NALCN: variants seen among roughly 807,000 people sequenced by gnomAD.
NALCN encodes sodium leak channel, non-selective, also known as sodium leak channel NALCN.
A neutral mutation model predicts 225.3 loss-of-function variants in NALCN; 111 were observed. The ratio of observed to expected loss-of-function variants is 0.49; its 90% CI spans 0.42 to 0.58. The LOEUF (loss-of-function observed/expected upper bound fraction) is 0.58, where lower values mean the gene tolerates loss of function less well. Ranked by LOEUF, NALCN falls within the 20% of genes least tolerant of loss-of-function variation. NALCN has a pLI of 0.00. For missense variants in NALCN, 1,378 were observed against 2,202.4 expected, an observed-to-expected ratio of 0.63 and a Z score of 7.49; for synonymous variants, 764 against 769.0, an observed-to-expected ratio of 0.99 and a Z score of 0.11.
rs543584697 is a variant in NALCN at position 101,258,845 on chromosome 13, A to G, written c.1135-271T>C. On this transcript the variant is annotated intron_variant, in intron 10 of 43. Transcript: ENST00000251127. ...TCATTTGTGTATGGCTTGCATCTTA[A>G]TTTTTAATTGGTTGGTTGGGTAGTA... Among the ~76,000 whole-genome samples, 9 of 152,300 alleles carry G rather than the reference A, an allele frequency of 5.9e-5. No individual in the cohort carries two copies. The East Asian group carries it at 1.7e-3, about 29-fold the overall frequency.
At chr13:101,200,433 C>G (rs1018482629) in intron 13 of NALCN, among the ~76,000 whole-genome samples, 1 of 152,134 alleles carries the variant, frequency 6.6e-6, no homozygotes, top group Non-Finnish European at 1.5e-5. Context: ...AAACAGATAA[C>G]ATTTTTCCCC....
At position 101,415,226 on chromosome 13, in the gene NALCN, CAT is replaced by C. The variant is rs1359793599; in HGVS notation, c.-40+1085_-40+1086del. Among the ~76,000 whole-genome samples, 41 of 29,568 alleles carry C rather than the reference CAT, an allele frequency of 1.4e-3. 2 individuals are homozygous for C. The highest frequency in any genetic ancestry group is 0.018 in the Middle Eastern group (1 of 56). 19.4% of individuals were successfully genotyped at this position (29,568 alleles called of 152,430 possible). The stretch of plus-strand genomic sequence containing the variant: ...TCACACACATATATATATATATATA[CAT>C]ACATATATATTTCAAAATCGCCACC... On this transcript the variant is annotated intron_variant, in intron 1 of 43. Transcript: ENST00000251127.
chr13:101,085,636 C>T (rs902688986), intron 30 of NALCN, among the ~76,000 whole-genome samples: 1 of 152,096 alleles, frequency 6.6e-6, no homozygotes, highest in Admixed American at 6.5e-5. Context: ...CATTATAATA[C>T]ATGAATTGAA....
intron 10 of NALCN, among the ~76,000 whole-genome samples, chr13:101,271,882 CAT>C (rs1282639203): frequency 2.5e-5 from 3 of 120,542 alleles, no homozygotes; most frequent in Non-Finnish European, 4.9e-5. Flanking sequence ...TAGCCATATG[CAT>C]GTGTGCATAT....
At chr13:101,055,890 G>A (rs1293766321) in intron 43 of NALCN, among the ~76,000 whole-genome samples, 1 of 152,128 alleles carries the variant, frequency 6.6e-6, no homozygotes, top group African/African-American at 2.4e-5. Flanking sequence ...GATGCAGTGA[G>A]GGTATGGGAG....
intron 16 of NALCN, among the ~76,000 whole-genome samples, chr13:101,143,458 GT>G (rs2037194883): frequency 6.7e-6 from 1 of 149,294 alleles, no homozygotes; most frequent in South Asian, 2.2e-4. Context: ...ACCGATGGTA[GT>G]TTTTTGAATC....
At chr13:101,105,766 C>T (rs11617361) in intron 22 of NALCN, among the ~76,000 whole-genome samples, 28,837 of 152,078 alleles carry the variant, frequency 0.19, 2,971 homozygotes, top group Non-Finnish European at 0.25. Flanking sequence ...CTTTATAGAA[C>T]AGCAGAAAGA....
At chr13:101,350,613 G>A (rs753582797) in intron 6 of NALCN, among the ~76,000 whole-genome samples, 5 of 152,062 alleles carry the variant, frequency 3.3e-5, no homozygotes, top group Admixed American at 6.6e-5. Flanking sequence ...CTGACACAGC[G>A]TCTATGATAG....
intron 15 of NALCN, among the ~76,000 whole-genome samples, chr13:101,176,011 C>T (rs1419546973): frequency 6.6e-6 from 1 of 152,174 alleles, no homozygotes; most frequent in East Asian, 1.9e-4. Context: ...AAACAACCTT[C>T]ATTTAATGGC....
At chr13:101,358,712 T>C (rs370521496) in intron 6 of NALCN, among the ~76,000 whole-genome samples, 23 of 152,304 alleles carry the variant, frequency 1.5e-4, no homozygotes, top group Admixed American at 3.9e-4. Context: ...CCCAAAAGAA[T>C]AGACATCATT....
At chr13:101,073,714 A>T in intron 36 of NALCN, 37 bp from the exon 37 acceptor site, 2 of 1,544,436 alleles carry the variant, frequency 1.3e-6, no homozygotes, top group South Asian at 1.1e-5. Context: ...AATGTGAATT[A>T]TAGAAGGGTT....
chr13:101,119,818 T>C (rs926699679), intron 18 of NALCN, among the ~76,000 whole-genome samples: 2 of 152,248 alleles, frequency 1.3e-5, no homozygotes, highest in Non-Finnish European at 2.9e-5. Flanking sequence ...TGGAACATCC[T>C]CTTCGGATAA....
intron 18 of NALCN, among the ~76,000 whole-genome samples, chr13:101,111,767 G>A (rs1045150846): frequency 1.3e-5 from 2 of 152,216 alleles, no homozygotes; most frequent in South Asian, 4.1e-4. Context: ...CATATAAGAC[G>A]TGCCTTTCAC....
intron 17 of NALCN, among the ~76,000 whole-genome samples, chr13:101,130,508 T>A (rs1433120627): frequency 1.3e-5 from 2 of 152,198 alleles, no homozygotes; most frequent in Non-Finnish European, 1.5e-5. Flanking sequence ...TGTTTTTTAG[T>A]AGATTACAGG....
At chr13:101,082,967 G>C (rs1361033660) in intron 32 of NALCN, 84 bp from the exon 33 acceptor site, 2 of 1,573,276 alleles carry the variant, frequency 1.3e-6, no homozygotes, top group African/African-American at 2.7e-5. Context: ...CTTTGCCATT[G>C]ACAGTGAATC....
intron 7 of NALCN, among the ~76,000 whole-genome samples, chr13:101,303,014 C>A (rs988656475): frequency 2.0e-5 from 3 of 152,078 alleles, no homozygotes; most frequent in Admixed American, 1.3e-4. Context: ...ACTTTTCCAG[C>A]ATTTCCAATG....
In NALCN at chr13:101,057,986, T is replaced by A. The variant is rs1253803489; in HGVS notation, c.4976A>T (p.Asp1659Val). 1.1e-5 allele frequency: 17 copies of A among 1,613,858 alleles called. No individual in the cohort carries two copies. Among genetic ancestry groups the A allele is most frequent in the Non-Finnish European group, 1.4e-5 (17 of 1,180,040 alleles). Residue 1659 changes from aspartate (D) to valine (V), a missense_variant, in exon 43 of 44, where the codon GAC (aspartate) becomes GTC (valine). This residue lies in a region of NALCN where 145 missense variants were observed against 169.6 expected (regional missense o/e 0.85). Transcript: ENST00000251127. ...DRGGSRQDAA[D>V]AGKPQRKFGQ... ...AAATTTCCTCTGGGGTTTCCCTGCG[T>A]CGGCTGCATCTTGCCGACTTCCTCC...
rs1395415061 is a variant in NALCN, at chr13:101,279,161, TAAAAG to T, written c.1134+4767_1134+4771del. ...TATTTTATTAAAATTATGACAGACA[TAAAAG>T]AAAAGTGTAGGATGATATGAAAACA... On this transcript the variant is annotated intron_variant, in intron 10 of 43. Coordinates refer to ENST00000251127, the MANE Select transcript of NALCN (RefSeq NM_052867.4). 3.9e-5 allele frequency among the ~76,000 whole-genome samples: 6 copies of T among 152,254 alleles called. No homozygotes were observed. The East Asian group carries it at 7.7e-4, about 20-fold the overall frequency.
chr13:101,413,194 A>G (rs1426260496), intron 1 of NALCN, among the ~76,000 whole-genome samples: 1 of 152,222 alleles, frequency 6.6e-6, no homozygotes, highest in African/African-American at 2.4e-5. Context: ...AAGACATACA[A>G]TATATCTCTA....
Sources: gnomAD v4.1 joint callset for allele counts (sites outside exome capture counted in the v4.1 genomes callset) on GRCh38, gnomAD v4.1.1 for gene constraint, gnomAD v4.1.1 regional missense constraint, MANE v1.5 for transcripts, NCBI Gene and HGNC (gene_info 2026-07-23, HGNC 2026-07-21) for gene names.